KHDRBS2: variants seen among roughly 807,000 people sequenced by gnomAD.
KHDRBS2 encodes KH RNA binding domain containing, signal transduction associated 2.
In KHDRBS2, 26 loss-of-function variants were observed where a neutral mutation model predicts 44.3. The ratio of observed to expected loss-of-function variants is 0.59; its 90% CI spans 0.43 to 0.81. The LOEUF (loss-of-function observed/expected upper bound fraction) is 0.81. Among genes scored for constraint, KHDRBS2 ranks in the 40% least tolerant of loss-of-function variants. The pLI is 0.00. For missense variants in KHDRBS2, 476 were observed against 433.1 expected (o/e 1.10, Z -0.88); for synonymous variants, 194 against 151.1 (o/e 1.28, Z -2.08).
chr6:61,673,413 G>C, the KHDRBS2 span, among the ~76,000 whole-genome samples: 1 of 151,664 alleles, frequency 6.6e-6, no homozygotes, highest in African/African-American at 2.4e-5. Flanking sequence ...AGTGTTGGAA[G>C]TTCTGGCCAG....
chr6:62,109,472 A>T (rs1189904351), intron 2 of KHDRBS2, among the ~76,000 whole-genome samples: 1 of 152,034 alleles, frequency 6.6e-6, no homozygotes, highest in African/African-American at 2.4e-5. Flanking sequence ...CAGGCAAGAA[A>T]AAGAAAAAAG....
At chr6:61,587,021 C>T in the KHDRBS2 span, among the ~76,000 whole-genome samples, 1 of 152,282 alleles carries the variant, frequency 6.6e-6, no homozygotes, top group East Asian at 1.9e-4. Context: ...GTTCATTTCA[C>T]TTTCTCCTTG....
intron 2 of KHDRBS2, among the ~76,000 whole-genome samples, chr6:62,130,791 T>C (rs1056068114): frequency 3.3e-5 from 5 of 151,982 alleles, no homozygotes; most frequent in Admixed American, 6.6e-5. Context: ...TCAAAAATGA[T>C]CTAAAAAAGC....
the KHDRBS2 span, among the ~76,000 whole-genome samples, chr6:61,586,483 C>G: frequency 6.6e-6 from 1 of 152,092 alleles, no homozygotes; most frequent in Non-Finnish European, 1.5e-5. Flanking sequence ...TCTAATAATG[C>G]CTGTAATGAC....
intron 4 of KHDRBS2, among the ~76,000 whole-genome samples, chr6:61,927,497 C>A (rs761590582): frequency 6.6e-6 from 1 of 152,040 alleles, no homozygotes. Context: ...GTTATAGAAA[C>A]CTTTTACGTA....
intron 4 of KHDRBS2, among the ~76,000 whole-genome samples, chr6:61,903,653 C>T (rs879576348): frequency 6.6e-6 from 1 of 152,194 alleles, no homozygotes; most frequent in South Asian, 2.1e-4. Context: ...TAGTTTCCAC[C>T]ACACTGACTC....
Position 61,770,561 on chromosome 6 carries a change from C to T in KHDRBS2, c.811-37797G>A, listed in dbSNP as rs143334756. Among the ~76,000 whole-genome samples, 1,281 of 152,108 alleles carry T rather than the reference C, an allele frequency of 8.4e-3. 20 individuals carry two copies. Among genetic ancestry groups the T allele is most frequent in the African/African-American group, 0.029 (1,193 of 41,486 alleles). ...AATGCAGAAGCCTCAGTAGACGATG[C>T]GATCAACTGGAAGAAAGGGTATCAG... On this transcript the variant is annotated intron_variant, in intron 6 of 8. Coordinates refer to ENST00000281156, the MANE Select transcript of KHDRBS2 (RefSeq NM_152688.4).
chr6:61,908,494 C>T (rs1439633657), intron 4 of KHDRBS2, among the ~76,000 whole-genome samples: 3 of 151,668 alleles, frequency 2.0e-5, no homozygotes, highest in African/African-American at 4.8e-5. Flanking sequence ...ATTAGCCGGG[C>T]GTGGTGGTGA....
the KHDRBS2 span, among the ~76,000 whole-genome samples, chr6:61,659,525 C>T: frequency 6.6e-6 from 1 of 151,658 alleles, no homozygotes; most frequent in African/African-American, 2.4e-5. Flanking sequence ...AGGGAAAGTC[C>T]CAATCTTGCA....
chr6:61,884,044 C>T lies in KHDRBS2; in HGVS notation c.810+10591G>A, dbSNP rs530186685. 5.9e-5 allele frequency among the ~76,000 whole-genome samples: 9 copies of T among 152,176 alleles called. No individual in the cohort carries two copies. The South Asian group carries it at 1.9e-3, about 32-fold the overall frequency. Reference sequence around the variant, plus strand: ...ACAAAAATGGCACAAGAATTGATTTCAATTATCATTTAATACCTATTTCCC... The same window carrying T: ...ACAAAAATGGCACAAGAATTGATTTTAATTATCATTTAATACCTATTTCCC... On this transcript the variant is annotated intron_variant, in intron 6 of 8. Coordinates refer to ENST00000281156, the MANE Select transcript of KHDRBS2 (RefSeq NM_152688.4).
chr6:62,238,687 TACACACACACACAC>T (rs5876788), intron 1 of KHDRBS2, among the ~76,000 whole-genome samples: 4 of 142,010 alleles, frequency 2.8e-5, no homozygotes, highest in East Asian at 4.2e-4. Flanking sequence ...AAGTTTTATA[TACACACACACACAC>T]ACACACACAC....
At chr6:61,961,262 A>C (rs1229091102) in intron 4 of KHDRBS2, among the ~76,000 whole-genome samples, 1 of 152,124 alleles carries the variant, frequency 6.6e-6, no homozygotes, top group Non-Finnish European at 1.5e-5. Flanking sequence ...TAAAACATCC[A>C]ATAAAAAAAT....
At chr6:61,572,302 A>T in the KHDRBS2 span, among the ~76,000 whole-genome samples, 1 of 152,154 alleles carries the variant, frequency 6.6e-6, no homozygotes, top group Non-Finnish European at 1.5e-5. Flanking sequence ...AACATATAAC[A>T]AGTAGCGAGA....
the KHDRBS2 span, among the ~76,000 whole-genome samples, chr6:61,566,133 G>C: frequency 6.6e-6 from 1 of 152,038 alleles, no homozygotes; most frequent in African/African-American, 2.4e-5. Context: ...AAATAAGCCA[G>C]ACATAGAAAG....
chr6:61,737,066 T>C (rs1775476709), intron 6 of KHDRBS2, among the ~76,000 whole-genome samples: 1 of 152,118 alleles, frequency 6.6e-6, no homozygotes, highest in Non-Finnish European at 1.5e-5. Flanking sequence ...TTATCCACTG[T>C]CTAGATATGG....
the KHDRBS2 span, among the ~76,000 whole-genome samples, chr6:61,562,477 G>C: frequency 6.6e-6 from 1 of 152,162 alleles, no homozygotes; most frequent in Admixed American, 6.6e-5. Context: ...AAGAAGGGAA[G>C]AGGTTTTCCT....
intron 1 of KHDRBS2, among the ~76,000 whole-genome samples, chr6:62,202,014 G>A (rs1827091763): frequency 6.6e-6 from 1 of 151,834 alleles, no homozygotes; most frequent in African/African-American, 2.4e-5. Flanking sequence ...CTTAAATGAA[G>A]AAACAATAAA....
At chr6:61,828,516 C>A (rs1013552375) in intron 6 of KHDRBS2, among the ~76,000 whole-genome samples, 5 of 152,138 alleles carry the variant, frequency 3.3e-5, no homozygotes, top group Admixed American at 1.3e-4. Flanking sequence ...ATTAACCCAG[C>A]ACTTGATAAA....
At chr6:61,658,940 C>A in the KHDRBS2 span, among the ~76,000 whole-genome samples, 4 of 151,810 alleles carry the variant, frequency 2.6e-5, no homozygotes, top group Non-Finnish European at 2.9e-5. Context: ...CTATACAACA[C>A]TATTATATCT....
Sources: allele counts gnomAD v4.1 joint callset (sites outside exome capture counted in the v4.1 genomes callset), GRCh38; gene constraint gnomAD v4.1.1; transcripts MANE v1.5; gene names NCBI Gene and HGNC (gene_info 2026-07-23, HGNC 2026-07-21).